The following GNG13 variants were observed in gnomAD, a reference collection of about 807,000 sequenced individuals.
The protein encoded by GNG13 is G protein subunit gamma 13, also known as guanine nucleotide-binding protein G(I)/G(S)/G(O) subunit gamma-13.
GNG13 carries 12 observed loss-of-function variants against 8.2 expected under a neutral mutation model. The ratio of observed to expected loss-of-function variants is 1.47; its 90% confidence interval spans 0.94 to 2.38. GNG13 has a LOEUF of 2.38. Ranked by LOEUF, GNG13 falls within the 30% of genes most tolerant of loss-of-function variation. GNG13 has a pLI of 0.00. For missense variants in GNG13, 100 were observed against 85.2 expected, an observed-to-expected ratio of 1.17 and a Z score of -0.68; for synonymous variants, 45 against 33.0, an observed-to-expected ratio of 1.37 and a Z score of -1.25.
rs760716690 is a variant in GNG13, at chr16:799,014, A to T, written c.64T>A (p.Phe22Ile). ...GTCTTGGACGCCATCTCCCGCTGGA[A>T]GGCCAGCTGGTACTTGAGGCTCTCC... ...EVESLKYQLA[F>I]QREMASKTIP... Residue 22 changes from phenylalanine to isoleucine, a missense_variant, in exon 2 of 3, where the codon TTC becomes ATC. Phe to Ile is a conservative substitution (Grantham distance 21). Coordinates refer to ENST00000248150, the MANE Select transcript of GNG13 (RefSeq NM_016541.3). The T allele has an allele frequency of 6.2e-7, 1 of 1,610,630 alleles. No individual in the cohort carries two copies. Among genetic ancestry groups the T allele is most frequent in the Non-Finnish European group, 8.5e-7 (1 of 1,177,096 alleles).
At chr16:798,901 CGGT>C in intron 2 of GNG13, 76 bp downstream of exon 2, 1 of 1,350,022 alleles carries the variant, frequency 7.4e-7, no homozygotes, top group Non-Finnish European at 1.1e-6. Context: ...CTGTCGGCGG[CGGT>C]GGTCGTGGCT....
In GNG13 at chr16:799,041, CCT is replaced by C. The variant is rs1422485692; in HGVS notation, c.35_36del (p.Glu12GlyfsTer68). On this transcript the variant is annotated frameshift_variant, in exon 2 of 3. Coordinates refer to ENST00000248150, the MANE Select transcript of GNG13 (RefSeq NM_016541.3). LOFTEE classifies it high-confidence loss of function. ...GCCAGCTGGTACTTGAGGCTCTCCA[CCT>C]CTTTCTTCATCTGTGGCACGTCCCA... ...EEWDVPQMKK[E>X]VESLKYQLAF... is the part of the protein sequence containing the mutation. The C allele has an allele frequency of 6.2e-7, 1 of 1,611,170 alleles. No individual in the cohort carries two copies. The highest frequency in any genetic ancestry group is 8.5e-7 in the Non-Finnish European group (1 of 1,177,748).
rs1049004015 is a variant in GNG13 at position 798,076 on chromosome 16, C to T, written c.*643G>A. The T allele has an allele frequency of 3.4e-6, 5 of 1,455,996 alleles. No individual in the cohort carries two copies. The highest frequency in any genetic ancestry group is 4.7e-5 in the East Asian group (2 of 42,876). The allele number at this position is 1,455,996 out of a possible 1,614,324, so 90.2% of individuals were successfully genotyped here. ...AAGTCACACCTTTACAGACTGTAAT[C>T]ACGTGCGAGTGGAGTGGGGTTCACA... is the stretch of plus-strand genomic sequence containing the variant. On this transcript the variant is annotated 3_prime_UTR_variant, in exon 3 of 3. Coordinates refer to ENST00000248150, the MANE Select transcript of GNG13 (RefSeq NM_016541.3).
At chr16:800,303 G>C (rs974389542) in intron 1 of GNG13, among the ~76,000 whole-genome samples, 2 of 152,164 alleles carry the variant, frequency 1.3e-5, no homozygotes, top group African/African-American at 4.8e-5. Flanking sequence ...AGCTGCGTGC[G>C]GGTCCTCCCA....
chr16:799,997 G>A (rs2151654329), intron 1 of GNG13, among the ~76,000 whole-genome samples: 1 of 152,244 alleles, frequency 6.6e-6, no homozygotes, highest in Non-Finnish European at 1.5e-5. Flanking sequence ...TGGCCCAACA[G>A]TCTCCCCATC....
intron 1 of GNG13, among the ~76,000 whole-genome samples, chr16:800,221 C>T (rs905247130): frequency 1.3e-5 from 2 of 152,166 alleles, no homozygotes; most frequent in Non-Finnish European, 2.9e-5. Flanking sequence ...GTTCCAGCAC[C>T]CCTACCCGCC....
intron 1 of GNG13, among the ~76,000 whole-genome samples, chr16:799,513 C>G (rs920479753): frequency 3.9e-5 from 6 of 152,216 alleles, no homozygotes; most frequent in Admixed American, 6.5e-5. Flanking sequence ...GAGGTGGCCC[C>G]TGCCCCGCCC....
In GNG13 at chr16:798,153, C is replaced by A. The variant is rs563366606; in HGVS notation, c.*566G>T. 6.2e-6 allele frequency: 5 copies of A among 802,970 alleles called. No homozygotes were observed. Among genetic ancestry groups the A allele is most frequent in the Non-Finnish European group, 9.7e-6 (5 of 518,116 alleles). The allele number at this position is 802,970 out of a possible 1,614,324, so 49.7% of individuals were successfully genotyped here. On this transcript the variant is annotated 3_prime_UTR_variant, in exon 3 of 3. Transcript: ENST00000248150. ...GGCTCATAGGATGGTGTGAGTGGGG[C>A]CAGGAGTGGGGCTCACAGGATGGTG...
At position 798,242 on chromosome 16, in the gene GNG13, T is replaced by C; in HGVS notation, c.*477A>G. 1 of 570,474 alleles carries C rather than the reference T, an allele frequency of 1.8e-6. No individual in the cohort carries two copies. The highest frequency in any genetic ancestry group is 4.9e-4 in the Middle Eastern group (1 of 2,060). The allele number at this position is 570,474 out of a possible 1,614,324, so 35.3% of individuals were successfully genotyped here. ...TGGGGCCGGGCGTGGTCTCACAGGATGGAGTGAATGGGGCCGGGCACAGTC... is the reference window on the plus strand; with the variant it reads ...TGGGGCCGGGCGTGGTCTCACAGGACGGAGTGAATGGGGCCGGGCACAGTC... On this transcript the variant is annotated 3_prime_UTR_variant, in exon 3 of 3. Transcript: ENST00000248150.
intron 1 of GNG13, among the ~76,000 whole-genome samples, chr16:799,879 C>T (rs2042432269): frequency 6.7e-6 from 1 of 150,094 alleles, no homozygotes; most frequent in Admixed American, 6.6e-5. Context: ...TCCGTCCCAA[C>T]TCTGGCCCCC....
intron 1 of GNG13, among the ~76,000 whole-genome samples, chr16:800,237 C>T (rs759061046): frequency 6.6e-6 from 1 of 152,160 alleles, no homozygotes; most frequent in Non-Finnish European, 1.5e-5. Flanking sequence ...CCGCCCCCAT[C>T]CCCGGTGCAG....
At chr16:798,857 C>T (rs749133487) in intron 2 of GNG13, 33 bp from the exon 3 acceptor site, 3 of 1,477,308 alleles carry the variant, frequency 2.0e-6, no homozygotes, top group Admixed American at 3.4e-5. Context: ...TGAGTGGTGG[C>T]ACCTGACCCC....
At chr16:798,849 A>G in intron 2 of GNG13, 25 bp from the exon 3 acceptor site, 1 of 1,516,294 alleles carries the variant, frequency 6.6e-7, no homozygotes, top group African/African-American at 1.4e-5. Flanking sequence ...GTGGCAGGTG[A>G]GTGGTGGCAC....
At chr16:799,593 T>C (rs1426748189) in intron 1 of GNG13, among the ~76,000 whole-genome samples, 1 of 152,180 alleles carries the variant, frequency 6.6e-6, no homozygotes, top group East Asian at 1.9e-4. Context: ...AGGAATGTTC[T>C]GCTGCAGTTT....
intron 1 of GNG13, among the ~76,000 whole-genome samples, chr16:799,581 A>C (rs560677343): frequency 8.5e-5 from 13 of 152,300 alleles, no homozygotes; most frequent in African/African-American, 1.9e-4. Context: ...GGACTCCTGG[A>C]CAGGAATGTT....
Position 798,460 on chromosome 16 carries a change from T to C in GNG13, c.*259A>G. 2.4e-6 allele frequency: 1 copy of C among 422,156 alleles called. No homozygotes were observed. The highest frequency in any genetic ancestry group is 6.9e-4 in the Middle Eastern group (1 of 1,448). The allele number at this position is 422,156 out of a possible 1,614,324, so 26.2% of individuals were successfully genotyped here. On this transcript the variant is annotated 3_prime_UTR_variant, in exon 3 of 3. Transcript: ENST00000248150. ...AGTGGGGCTCACAGGATGGTGGGAGTGGGGCTGGGAGTGGGACTCACAGGA... is the reference window on the plus strand; with the variant it reads ...AGTGGGGCTCACAGGATGGTGGGAGCGGGGCTGGGAGTGGGACTCACAGGA...
Position 798,701 on chromosome 16 carries a change from A to G in GNG13, c.*18T>C, listed in dbSNP as rs774939882. 7.1e-7 allele frequency: 1 copy of G among 1,413,602 alleles called. No homozygotes were observed. Among genetic ancestry groups the G allele is most frequent in the South Asian group, 1.2e-5 (1 of 86,354 alleles). 87.6% of individuals were successfully genotyped at this position (1,413,602 alleles called of 1,614,324 possible). ...GCGTGGTCTCACAGGATGGTGTGAG[A>G]GGGGCCGGGTGCGGGGCTCACAGGA... is the stretch of plus-strand genomic sequence containing the variant. On this transcript the variant is annotated 3_prime_UTR_variant, in exon 3 of 3. Coordinates refer to ENST00000248150, the MANE Select transcript of GNG13 (RefSeq NM_016541.3).
At chr16:800,162 G>T (rs1157186351) in intron 1 of GNG13, among the ~76,000 whole-genome samples, 27 of 152,142 alleles carry the variant, frequency 1.8e-4, no homozygotes, top group Admixed American at 1.8e-3. Flanking sequence ...GCAGGTTTCT[G>T]GGGGAGTGAT....
intron 1 of GNG13, among the ~76,000 whole-genome samples, chr16:800,419 C>T (rs973957068): frequency 2.0e-5 from 3 of 152,210 alleles, no homozygotes; most frequent in South Asian, 2.1e-4. Context: ...ACCCCGTGGA[C>T]GCCCCCAGCC....
Sources: allele counts gnomAD v4.1 joint callset (sites outside exome capture counted in the v4.1 genomes callset), GRCh38; gene constraint gnomAD v4.1.1; transcripts MANE v1.5; gene names NCBI Gene and HGNC (gene_info 2026-07-23, HGNC 2026-07-21).